Variants in NAV1 observed in about 807,000 individuals in gnomAD.
NAV1 encodes pore membrane and/or filament interacting like protein 3.
NAV1 carries 18 observed loss-of-function variants against 175.2 expected under a neutral mutation model. The observed-to-expected ratio is 0.10, with a 90% CI of 0.07 to 0.15. NAV1 has a LOEUF of 0.15. Ranked by LOEUF, NAV1 falls within the 10% of genes least tolerant of loss-of-function variation. The pLI is 1.00. For synonymous variants in NAV1, 897 were observed against 978.7 expected, an observed-to-expected ratio of 0.92 and a Z score of 1.56; for missense variants, 1,731 against 2,436.6, an observed-to-expected ratio of 0.71 and a Z score of 6.10.
At position 201,757,220 on chromosome 1, in the gene NAV1, A is replaced by G. The variant is rs114967844; in HGVS notation, c.1227-23201A>G. Reference sequence around the variant, plus strand: ...GTCTCTCCTCAAGATCTCTGAAGGCAAGAAGTTTTTAGAGGCTTCTTTCAG... The same window carrying G: ...GTCTCTCCTCAAGATCTCTGAAGGCGAGAAGTTTTTAGAGGCTTCTTTCAG... On this transcript the variant is annotated intron_variant, in intron 3 of 29. Transcript: ENST00000367296. 5.3e-3 allele frequency among the ~76,000 whole-genome samples: 804 copies of G among 152,306 alleles called. 14 individuals are homozygous for G. Among genetic ancestry groups the G allele is most frequent in the African/African-American group, 0.019 (769 of 41,564 alleles).
intron 1 of NAV1, among the ~76,000 whole-genome samples, chr1:201,685,859 T>C (rs901368857): frequency 3.3e-5 from 5 of 152,196 alleles, no homozygotes; most frequent in South Asian, 2.1e-4. Flanking sequence ...TTCTTCTGAA[T>C]GCCCTGGGCT....
chr1:201,802,136 C>CAAAAAAA (rs771631007), intron 15 of NAV1, among the ~76,000 whole-genome samples: 11 of 20,312 alleles, frequency 5.4e-4, no homozygotes, highest in Non-Finnish European at 8.2e-4. Context: ...GACTCCGTCT[C>CAAAAAAA]AAAAAAAAAA....
intron 1 of NAV1, among the ~76,000 whole-genome samples, chr1:201,657,514 C>T (rs1250153036): frequency 2.6e-5 from 4 of 152,198 alleles, no homozygotes; most frequent in Non-Finnish European, 5.9e-5. Flanking sequence ...TTCCATTTCT[C>T]TTCTTTGGAA....
Position 201,813,918 on chromosome 1 carries a change from G to A in NAV1, c.5340+660G>A, listed in dbSNP as rs60879125. Among the ~76,000 whole-genome samples the A allele has an allele frequency of 0.015, 2,269 of 152,182 alleles. 57 individuals are homozygous for A. Among genetic ancestry groups the A allele is most frequent in the African/African-American group, 0.052 (2,142 of 41,504 alleles). ...TAAAAATACAAAAAATTAGCCAGAC[G>A]TGGTGGTGGGCGCCTGCAGTCCCAG... On this transcript the variant is annotated intron_variant, in intron 28 of 29. Coordinates refer to ENST00000367296, the Ensembl canonical transcript of NAV1. The surrounding 1 kb of genome is among the most constrained non-coding windows in gnomAD (Gnocchi z 4.2).
intron 3 of NAV1, among the ~76,000 whole-genome samples, chr1:201,738,389 C>G (rs1285095677): frequency 6.6e-6 from 1 of 152,148 alleles, no homozygotes; most frequent in Admixed American, 6.5e-5. Context: ...AGAGGTCCCT[C>G]TGCTGAGGTT....
chr1:201,687,601 GAA>G (rs1480595971), intron 1 of NAV1, among the ~76,000 whole-genome samples: 1 of 151,956 alleles, frequency 6.6e-6, no homozygotes, highest in Non-Finnish European at 1.5e-5. Context: ...TCTACAGGTG[GAA>G]AAAAAATGAG....
chr1:201,766,909 G>A lies in NAV1; in HGVS notation c.1227-13512G>A, dbSNP rs546450801. Among the ~76,000 whole-genome samples, 115 of 151,966 alleles carry A rather than the reference G, an allele frequency of 7.6e-4. 1 individual carries two copies. Among genetic ancestry groups the A allele is most frequent in the African/African-American group, 2.7e-3 (111 of 41,486 alleles). ...GCGATCTCAGCTCACTGCAACCTCC[G>A]TCTCCTGGTTCAAGCAATTCTCCTG... is the stretch of plus-strand genomic sequence containing the variant. On this transcript the variant is annotated intron_variant, in intron 3 of 29. Coordinates refer to ENST00000367296, the Ensembl canonical transcript of NAV1.
intron 2 of NAV1, among the ~76,000 whole-genome samples, chr1:201,632,011 C>G (rs1220044249): frequency 6.6e-6 from 1 of 152,114 alleles, no homozygotes; most frequent in Non-Finnish European, 1.5e-5. Flanking sequence ...CTCTATCAGC[C>G]TGTTTCTTCT....
rs1256759295 is a variant in NAV1 at position 201,629,563 on chromosome 1, T to G, written c.4+56T>G. The stretch of plus-strand genomic sequence containing the variant: ...GGTCGGGAGGCCACTGTGCTAGAGC[T>G]GCCTAGATGGAAGAAGAAGTGACCT... On this transcript the variant is annotated intron_variant, in intron 2 of 29. Coordinates refer to the NAV1 transcript ENST00000367302. 105 of 1,168,128 alleles carry G rather than the reference T, an allele frequency of 9.0e-5. 2 individuals are homozygous for G. Among genetic ancestry groups the G allele is most frequent in the South Asian group, 1.4e-5 (1 of 73,076 alleles). The allele number at this position is 1,168,128 out of a possible 1,614,324, so 72.4% of individuals were successfully genotyped here.
At chr1:201,762,802 C>T (rs980058076) in intron 3 of NAV1, among the ~76,000 whole-genome samples, 2 of 152,224 alleles carry the variant, frequency 1.3e-5, no homozygotes, top group Non-Finnish European at 2.9e-5. Flanking sequence ...TTCTACATTT[C>T]TTTTCAATTA....
At chr1:201,731,378 A>G (rs559204047) in intron 3 of NAV1, among the ~76,000 whole-genome samples, 1 of 152,012 alleles carries the variant, frequency 6.6e-6, no homozygotes, top group Non-Finnish European at 1.5e-5. Context: ...ACAGGCACAG[A>G]GAGTGTCTGA....
At chr1:201,784,567 C>CTT (rs1676573114) in intron 7 of NAV1, among the ~76,000 whole-genome samples, 1 of 109,726 alleles carries the variant, frequency 9.1e-6, no homozygotes, top group African/African-American at 3.2e-5. Flanking sequence ...ATAATACGAT[C>CTT]TATTTTTTTT....
In NAV1 at chr1:201,718,465, C is replaced by A. The variant is rs1672230516; in HGVS notation, c.936C>A (p.Ser312=). The change falls in exon 3 of 30, where the codon TCC becomes TCA. Residue 312 remains serine, a synonymous_variant. Transcript: ENST00000367296. This position sits in a 1 kb window ranked among gnomAD's most constrained non-coding sequence, Gnocchi z 4.8. ...TGTCCAGCCTCTCCAACCGCTCGTC[C>A]CCTCTGTCATGGCGCTATGGCCAGT... The A allele has an allele frequency of 1.3e-6, 2 of 1,581,686 alleles. No homozygotes were observed. The highest frequency in any genetic ancestry group is 1.7e-6 in the Non-Finnish European group (2 of 1,157,452).
intron 2 of NAV1, among the ~76,000 whole-genome samples, chr1:201,714,563 A>G (rs893264527): frequency 7.9e-5 from 12 of 152,254 alleles, no homozygotes; most frequent in African/African-American, 2.9e-4. Flanking sequence ...ACCCCCTTAC[A>G]TCTGTCCCTT....
intron 1 of NAV1, among the ~76,000 whole-genome samples, chr1:201,670,380 C>CAAAA (rs58216500): frequency 0.013 from 159 of 12,180 alleles, 19 homozygotes; most frequent in Non-Finnish European, 0.017. Context: ...GACTCCATCT[C>CAAAA]AAAAAAAAAA....
intron 1 of NAV1, among the ~76,000 whole-genome samples, chr1:201,667,916 C>T (rs1026326371): frequency 6.6e-6 from 1 of 152,016 alleles, no homozygotes; most frequent in African/African-American, 2.4e-5. Flanking sequence ...CTTGATGTTC[C>T]AGGGTGGAGG....
At chr1:201,771,382 G>C (rs961716217) in intron 3 of NAV1, among the ~76,000 whole-genome samples, 9 of 151,216 alleles carry the variant, frequency 6.0e-5, no homozygotes, top group Non-Finnish European at 8.8e-5. Flanking sequence ...ATGGTGGCAG[G>C]CACCTGTAAT....
chr1:201,582,420 C>T (rs761878236), intron 1 of NAV1, among the ~76,000 whole-genome samples: 3 of 152,166 alleles, frequency 2.0e-5, no homozygotes, highest in Non-Finnish European at 2.9e-5. Context: ...TCCAAAGGGA[C>T]TTGGATATTG....
intron 3 of NAV1, among the ~76,000 whole-genome samples, chr1:201,752,452 G>A (rs540332680): frequency 2.6e-5 from 4 of 152,212 alleles, no homozygotes; most frequent in Admixed American, 2.0e-4. Context: ...GGGCTTCTTG[G>A]GAGCACTTCT....
Sources: gnomAD v4.1 joint callset for allele counts (sites outside exome capture counted in the v4.1 genomes callset) on GRCh38, gnomAD v4.1.1 for gene constraint, Gnocchi (gnomAD v3.1) non-coding constraint, MANE v1.5 for transcripts, NCBI Gene and HGNC (gene_info 2026-07-23, HGNC 2026-07-21) for gene names.